Variants in LRBA observed in about 807,000 individuals in gnomAD.
LRBA encodes the protein lipopolysaccharide-responsive and beige-like anchor protein.
LRBA carries 176 observed loss-of-function variants against 330.0 expected under a neutral mutation model. That is an observed-to-expected ratio of 0.53 (90% CI 0.47 to 0.60). The LOEUF (loss-of-function observed/expected upper bound fraction) is 0.60. Among genes scored for constraint, LRBA ranks in the 20% least tolerant of loss-of-function variants. LRBA has a pLI of 0.00. For missense variants in LRBA, 3,259 were observed against 3,444.8 expected (o/e 0.95, Z 1.35); for synonymous variants, 1,230 against 1,193.0 (o/e 1.03, Z -0.64).
At chr4:151,013,440 G>A (rs761546664) in intron 2 of LRBA, 14 of 152,190 alleles carry the variant, frequency 9.2e-5, no homozygotes, top group Non-Finnish European at 1.9e-4. Context: ...GACAAGAGGG[G>A]AGAATCGCCT....
intron 34 of LRBA, among the ~76,000 whole-genome samples, chr4:150,790,461 GA>G (rs928408006): frequency 1.3e-5 from 2 of 149,782 alleles, no homozygotes; most frequent in Non-Finnish European, 3.0e-5. Flanking sequence ...TTTTTGAAAA[GA>G]AAAAAAAAGT....
intron 17 of LRBA, among the ~76,000 whole-genome samples, chr4:150,873,260 C>A (rs1753638363): frequency 6.6e-6 from 1 of 152,128 alleles, no homozygotes; most frequent in African/African-American, 2.4e-5. Flanking sequence ...TCATTCAATT[C>A]TCAAAAATTA....
intron 36 of LRBA, among the ~76,000 whole-genome samples, chr4:150,695,836 TTTTAAAA>T (rs1471926630): frequency 3.3e-5 from 5 of 152,214 alleles, no homozygotes; most frequent in Non-Finnish European, 7.3e-5. Context: ...ACCAATGGAT[TTTTAAAA>T]GCATAAAAAA....
intron 2 of LRBA, among the ~76,000 whole-genome samples, chr4:150,979,227 T>C (rs999307336): frequency 6.6e-6 from 1 of 152,042 alleles, no homozygotes; most frequent in African/African-American, 2.4e-5. Flanking sequence ...CACATGAGAG[T>C]GGCATGAATA....
At chr4:150,610,127 G>A (rs1344417325) in intron 37 of LRBA, among the ~76,000 whole-genome samples, 3 of 152,078 alleles carry the variant, frequency 2.0e-5, no homozygotes, top group Non-Finnish European at 4.4e-5. Context: ...GAGGTGCCTT[G>A]GGGAATACAG....
At chr4:150,826,119 T>C (rs1746239071) in intron 30 of LRBA, among the ~76,000 whole-genome samples, 1 of 152,146 alleles carries the variant, frequency 6.6e-6, no homozygotes, top group South Asian at 2.1e-4. Flanking sequence ...TGAGAAAAAC[T>C]GAAGTCATTA....
intron 2 of LRBA, among the ~76,000 whole-genome samples, chr4:150,998,566 G>A (rs1742969318): frequency 6.6e-6 from 1 of 151,812 alleles, no homozygotes; most frequent in Non-Finnish European, 1.5e-5. Flanking sequence ...TGTTGCCCTG[G>A]GTGGTCTTGA....
intron 55 of LRBA, among the ~76,000 whole-genome samples, chr4:150,281,337 G>T (rs1255033596): frequency 1.3e-5 from 2 of 152,170 alleles, no homozygotes; most frequent in Non-Finnish European, 2.9e-5. Flanking sequence ...GAGGCCGGCA[G>T]AATGTGATGG....
At chr4:150,692,547 G>A (rs1784232990) in intron 36 of LRBA, among the ~76,000 whole-genome samples, 1 of 152,066 alleles carries the variant, frequency 6.6e-6, no homozygotes, top group African/African-American at 2.4e-5. Flanking sequence ...GGATGGACAA[G>A]GTATAGATGG....
At chr4:151,006,897 C>T (rs1744129215) in intron 2 of LRBA, among the ~76,000 whole-genome samples, 1 of 152,160 alleles carries the variant, frequency 6.6e-6, no homozygotes, top group African/African-American at 2.4e-5. Flanking sequence ...ATAATATCTA[C>T]TCATGATAGC....
At position 150,460,316 on chromosome 4, in the gene LRBA, A is replaced by G. The variant is rs184965619; in HGVS notation, c.6780+7357T>C. Among the ~76,000 whole-genome samples the G allele has an allele frequency of 2.0e-5, 3 of 146,506 alleles. No individual in the cohort carries two copies. In the East Asian group the frequency reaches 5.9e-4, roughly 29 times the overall value. On this transcript the variant is annotated intron_variant, in intron 44 of 56. Transcript: ENST00000651943. The stretch of plus-strand genomic sequence containing the variant: ...CCAAATGGTAGGAGATACATGAAGG[A>G]GAGAAAAAAAAATCACTTACTTTTC...
rs572733441 is a variant in LRBA, at chr4:150,852,437, T to C, written c.3273A>G (p.Ser1091=). The change falls in exon 23 of 57, where the codon TCA becomes TCG. Residue 1091 remains serine (S), a synonymous_variant. Coordinates refer to ENST00000651943, the MANE Select transcript of LRBA (RefSeq NM_001364905.1). The stretch of plus-strand genomic sequence containing the variant: ...ATTTATCCAAGAATTCTGGCATCTC[T>C]GAGGCATCCTCTTCTGAAGGAGAAC... ...SISSPSEEDA[S]EMPEFLDKSI... The C allele has an allele frequency of 6.1e-5, 98 of 1,613,596 alleles. 2 individuals carry two copies. The South Asian group carries it at 9.4e-4, about 16-fold the overall frequency.
At chr4:150,981,055 C>G (rs1270943114) in intron 2 of LRBA, among the ~76,000 whole-genome samples, 2 of 151,650 alleles carry the variant, frequency 1.3e-5, no homozygotes, top group Non-Finnish European at 2.9e-5. Context: ...GTACCCAAAG[C>G]AATCTACAGA....
At chr4:150,482,880 T>A (rs1325763265) in intron 42 of LRBA, among the ~76,000 whole-genome samples, 1 of 152,076 alleles carries the variant, frequency 6.6e-6, no homozygotes, top group Non-Finnish European at 1.5e-5. Flanking sequence ...CAAGCTTATC[T>A]TGTTATATAG....
intron 40 of LRBA, among the ~76,000 whole-genome samples, chr4:150,522,918 G>C: frequency 6.6e-6 from 1 of 152,184 alleles, no homozygotes; most frequent in African/African-American, 2.4e-5. Flanking sequence ...TAGAGCCATG[G>C]GGTTGGGACC....
intron 2 of LRBA, among the ~76,000 whole-genome samples, chr4:151,006,712 C>G (rs1206436651): frequency 2.0e-5 from 3 of 152,072 alleles, no homozygotes; most frequent in African/African-American, 7.2e-5. Context: ...ATCTGATTTT[C>G]CAGTTCCCAA....
chr4:150,283,785 C>T (rs1188393559), intron 54 of LRBA, among the ~76,000 whole-genome samples: 1 of 152,190 alleles, frequency 6.6e-6, no homozygotes, highest in Non-Finnish European at 1.5e-5. Flanking sequence ...TTGTGGCTAG[C>T]TCTTCAGTCC....
intron 47 of LRBA, among the ~76,000 whole-genome samples, chr4:150,399,174 C>T (rs567238552): frequency 3.9e-5 from 6 of 152,212 alleles, no homozygotes; most frequent in African/African-American, 1.4e-4. Flanking sequence ...TATTGAAATA[C>T]TGTGCCCATC....
intron 20 of LRBA, among the ~76,000 whole-genome samples, chr4:150,870,215 G>T (rs529668805): frequency 6.6e-6 from 1 of 152,100 alleles, no homozygotes; most frequent in African/African-American, 2.4e-5. Flanking sequence ...TACCCCAATG[G>T]TTCTTGTAAT....
Sources: gnomAD v4.1 joint callset for allele counts (sites outside exome capture counted in the v4.1 genomes callset) on GRCh38, gnomAD v4.1.1 for gene constraint, MANE v1.5 for transcripts, NCBI Gene and HGNC (gene_info 2026-07-23, HGNC 2026-07-21) for gene names.